The following PTPRF variants were observed in gnomAD, a reference collection of about 807,000 sequenced individuals.
PTPRF encodes protein tyrosine phosphatase receptor type F.
A neutral mutation model predicts 201.8 loss-of-function variants in PTPRF; 59 were observed. The observed-to-expected ratio is 0.29, with a 90% CI of 0.24 to 0.36. The LOEUF (loss-of-function observed/expected upper bound fraction) is 0.36, where lower values mean the gene tolerates loss of function less well. Among genes scored for constraint, PTPRF ranks in the 10% least tolerant of loss-of-function variants. The probability of loss-of-function intolerance (pLI) is 1.00; values close to 1 mark genes in which losing one functional copy is unlikely to be tolerated. For missense variants in PTPRF, 2,132 were observed against 2,690.5 expected (o/e 0.79, Z 4.59); for synonymous variants, 1,088 against 1,089.7 (o/e 1.00, Z 0.03).
At chr1:43,560,129 A>G (rs1272626185) in intron 5 of PTPRF, among the ~76,000 whole-genome samples, 1 of 143,582 alleles carries the variant, frequency 7.0e-6, no homozygotes, top group Non-Finnish European at 1.5e-5. Context: ...TGTGTGTACA[A>G]TAGGTGGCAT....
At chr1:43,596,093 G>A (rs928192996) in intron 11 of PTPRF, among the ~76,000 whole-genome samples, 12 of 152,282 alleles carry the variant, frequency 7.9e-5, no homozygotes, top group African/African-American at 2.2e-4. Flanking sequence ...GGGACCTTGC[G>A]ATATTGGTGA....
intron 5 of PTPRF, among the ~76,000 whole-genome samples, chr1:43,555,788 G>A (rs1022536329): frequency 2.0e-5 from 3 of 152,172 alleles, no homozygotes; most frequent in Non-Finnish European, 4.4e-5. Context: ...TCACATGCAA[G>A]TACCCTAATT....
chr1:43,559,319 C>T (rs897929566), intron 5 of PTPRF, among the ~76,000 whole-genome samples: 8 of 152,068 alleles, frequency 5.3e-5, no homozygotes, highest in African/African-American at 1.9e-4. Context: ...GCTGTGTATG[C>T]AGCGCGCAGT....
intron 5 of PTPRF, among the ~76,000 whole-genome samples, chr1:43,567,404 A>G (rs1646259166): frequency 6.6e-6 from 1 of 152,140 alleles, no homozygotes; most frequent in African/African-American, 2.4e-5. Flanking sequence ...GCACTGTGGG[A>G]TCATATTTAC....
intron 5 of PTPRF, among the ~76,000 whole-genome samples, chr1:43,563,286 G>A (rs1300730138): frequency 6.6e-6 from 1 of 152,132 alleles, no homozygotes; most frequent in African/African-American, 2.4e-5. Flanking sequence ...TGGGTAGGTG[G>A]GGGTGCCATT....
intron 3 of PTPRF, among the ~76,000 whole-genome samples, chr1:43,547,625 T>C (rs1644761856): frequency 6.6e-6 from 1 of 152,220 alleles, no homozygotes; most frequent in Non-Finnish European, 1.5e-5. Context: ...CCCCAGAGAA[T>C]TGACAGCTGG....
chr1:43,569,424 G>A (rs1187728612), intron 5 of PTPRF, among the ~76,000 whole-genome samples, 166 bp from the exon 6 acceptor site: 1 of 152,108 alleles, frequency 6.6e-6, no homozygotes, highest in Non-Finnish European at 1.5e-5. Context: ...AGAGACTTAG[G>A]ACCCTGGTTC....
chr1:43,543,705 C>G (rs2153962659), intron 2 of PTPRF, among the ~76,000 whole-genome samples: 1 of 152,348 alleles, frequency 6.6e-6, no homozygotes, highest in South Asian at 2.1e-4. Flanking sequence ...CATTCCTGGT[C>G]ACCTGCCCTG....
At chr1:43,581,558 T>C (rs550237156) in intron 7 of PTPRF, among the ~76,000 whole-genome samples, 1 of 152,358 alleles carries the variant, frequency 6.6e-6, no homozygotes, top group East Asian at 1.9e-4. Context: ...GCCTTGCCTC[T>C]GGTGCCCCCA....
rs986900163 is a variant in PTPRF at position 43,623,080 on chromosome 1, G to A, written c.*1077G>A. 2.6e-5 allele frequency: 4 copies of A among 152,796 alleles called. No individual in the cohort carries two copies. Among genetic ancestry groups the A allele is most frequent in the African/African-American group, 9.7e-5 (4 of 41,450 alleles). The allele number at this position is 152,796 out of a possible 1,614,324, so 9.5% of individuals were successfully genotyped here. ...CTGTGGGGTCTGGCTGTGTGGCCAA[G>A]GTGAATAGCACAGGTTAGGGTGTGT... On this transcript the variant is annotated 3_prime_UTR_variant, in exon 34 of 34. Coordinates refer to ENST00000359947, the MANE Select transcript of PTPRF (RefSeq NM_002840.5).
chr1:43,577,648 G>C (rs535745259), intron 6 of PTPRF, among the ~76,000 whole-genome samples: 15 of 152,136 alleles, frequency 9.9e-5, no homozygotes, highest in Admixed American at 2.6e-4. Context: ...GTCCAGGCAG[G>C]GGGGGCCCGG....
Position 43,542,109 on chromosome 1 carries a change from G to T in PTPRF, c.-45-2922G>T, listed in dbSNP as rs1644398235. On this transcript the variant is annotated intron_variant, in intron 2 of 33. Transcript: ENST00000359947. This position sits in a 1 kb window ranked among gnomAD's most constrained non-coding sequence, Gnocchi z 5.2. ...GGTGACCCTGGGACCCTGGGACTCT[G>T]GGGGCCAAGGTCTACTCTTGAGGCC... Among the ~76,000 whole-genome samples the T allele has an allele frequency of 6.6e-6, 1 of 152,158 alleles. No homozygotes were observed. The highest frequency in any genetic ancestry group is 6.5e-5 in the Admixed American group (1 of 15,288).
rs1257997265 is a variant in PTPRF at position 43,537,539 on chromosome 1, A to T, written c.-125-659A>T. ...GAAATGAGCTGGGCAGCCACAGTCC[A>T]TGCTCCTATCAAGCTTATGGTAGTG... On this transcript the variant is annotated intron_variant, in intron 1 of 33. Coordinates refer to ENST00000359947, the MANE Select transcript of PTPRF (RefSeq NM_002840.5). This position sits in a 1 kb window ranked among gnomAD's most constrained non-coding sequence, Gnocchi z 4.8. 6.6e-6 allele frequency among the ~76,000 whole-genome samples: 1 copy of T among 152,226 alleles called. No individual in the cohort carries two copies. Among genetic ancestry groups the T allele is most frequent in the South Asian group, 2.1e-4 (1 of 4,830 alleles).
At chr1:43,589,976 G>A (rs1475903637) in intron 8 of PTPRF, among the ~76,000 whole-genome samples, 1 of 152,150 alleles carries the variant, frequency 6.6e-6, no homozygotes, top group Non-Finnish European at 1.5e-5. Flanking sequence ...ATGTAATTCA[G>A]GATCAAGTGA....
chr1:43,611,025 T>C (rs958905675), intron 22 of PTPRF, among the ~76,000 whole-genome samples: 10 of 152,240 alleles, frequency 6.6e-5, no homozygotes, highest in Admixed American at 4.6e-4. Flanking sequence ...TGGCCTGTTA[T>C]GGATACCAAG....
Position 43,609,370 on chromosome 1 carries a change from T to C in PTPRF, c.3858-13T>C. On this transcript the variant is annotated splice_polypyrimidine_tract_variant and intron_variant, in intron 21 of 33. Coordinates refer to ENST00000359947, the MANE Select transcript of PTPRF (RefSeq NM_002840.5). ...ACCTCAGGTTCTCACCAGCCTCCCT[T>C]CTGTCTCTCTAGGAAAAGGACCCAC... is the stretch of plus-strand genomic sequence containing the variant. The C allele has an allele frequency of 6.2e-7, 1 of 1,611,000 alleles. No homozygotes were observed. Among genetic ancestry groups the C allele is most frequent in the Non-Finnish European group, 8.5e-7 (1 of 1,177,474 alleles).
chr1:43,601,503 C>G (rs1207380752), intron 13 of PTPRF, among the ~76,000 whole-genome samples: 1 of 152,254 alleles, frequency 6.6e-6, no homozygotes, highest in East Asian at 1.9e-4. Flanking sequence ...GCCCTGTTCA[C>G]CCCCAACTCT....
In PTPRF at chr1:43,553,937, C is replaced by G. The variant is rs768382559; in HGVS notation, c.375C>G (p.Leu125=). ...EINTSAKLSV[L]EEEQLPPGFP... is the part of the protein sequence containing the mutation. ...ACACTAGTGCCAAGCTCTCAGTGCT[C>G]GAAGGTACGTGCTAGGGAGACGTGG... The change falls in exon 5 of 34, where the codon CTC becomes CTG. Residue 125 remains leucine (L), a synonymous_variant. Transcript: ENST00000359947. This position sits in a 1 kb window ranked among gnomAD's most constrained non-coding sequence, Gnocchi z 4.1. The G allele has an allele frequency of 3.1e-6, 5 of 1,613,940 alleles. No individual in the cohort carries two copies. Among genetic ancestry groups the G allele is most frequent in the Non-Finnish European group, 4.2e-6 (5 of 1,179,996 alleles).
At chr1:43,549,053 C>T (rs569761510) in intron 3 of PTPRF, among the ~76,000 whole-genome samples, 4 of 152,292 alleles carry the variant, frequency 2.6e-5, no homozygotes, top group Admixed American at 1.3e-4. Flanking sequence ...AGAATGTTGC[C>T]GTCCATACCC....
Sources: allele counts gnomAD v4.1 joint callset (sites outside exome capture counted in the v4.1 genomes callset), GRCh38; gene constraint gnomAD v4.1.1; non-coding constraint Gnocchi (gnomAD v3.1); transcripts MANE v1.5; gene names NCBI Gene and HGNC (gene_info 2026-07-23, HGNC 2026-07-21).